The following EXOC6 variants were observed in gnomAD, a reference collection of about 807,000 sequenced individuals.
The protein encoded by EXOC6 is exocyst complex component 6.
EXOC6 carries 60 observed loss-of-function variants against 112.5 expected under a neutral mutation model. The observed-to-expected ratio is 0.53, with a 90% CI of 0.43 to 0.66. The LOEUF is 0.66. Ranked by LOEUF, EXOC6 falls within the 30% of genes least tolerant of loss-of-function variation. The probability of loss-of-function intolerance (pLI) is 0.00; values close to 1 mark genes in which losing one functional copy is unlikely to be tolerated. For missense variants in EXOC6, 855 were observed against 957.1 expected (o/e 0.89, Z 1.41); for synonymous variants, 295 against 308.0 (o/e 0.96, Z 0.44).
chr10:93,052,556 G>A (rs1006538974), intron 20 of EXOC6, among the ~76,000 whole-genome samples: 13 of 151,890 alleles, frequency 8.6e-5, no homozygotes, highest in African/African-American at 3.1e-4. Context: ...AGTTATGAAG[G>A]GTATTTTTGA....
intron 20 of EXOC6, among the ~76,000 whole-genome samples, chr10:93,055,641 T>C (rs1443353983): frequency 6.6e-6 from 1 of 152,054 alleles, no homozygotes; most frequent in African/African-American, 2.4e-5. Flanking sequence ...TAAGTTCCCT[T>C]TTCTTTTTCA....
At chr10:92,928,600 C>A (rs1851850917) in intron 9 of EXOC6, among the ~76,000 whole-genome samples, 178 bp downstream of exon 9, 2 of 151,446 alleles carry the variant, frequency 1.3e-5, no homozygotes, top group African/African-American at 4.9e-5. Context: ...TAGATAAGTC[C>A]CTTTTCTCAT....
At chr10:93,013,417 G>A (rs1590040603) in intron 19 of EXOC6, among the ~76,000 whole-genome samples, 1 of 151,916 alleles carries the variant, frequency 6.6e-6, no homozygotes, top group Non-Finnish European at 1.5e-5. Context: ...ACCAGCCTGG[G>A]CAACATGGTG....
intron 5 of EXOC6, among the ~76,000 whole-genome samples, chr10:92,902,541 C>T (rs1246259879): frequency 6.6e-6 from 1 of 151,496 alleles, no homozygotes; most frequent in Non-Finnish European, 1.5e-5. Flanking sequence ...TTTCAGGTAG[C>T]CTCTTGTGTT....
intron 19 of EXOC6, among the ~76,000 whole-genome samples, chr10:93,004,104 T>C (rs948154847): frequency 2.0e-5 from 3 of 152,102 alleles, no homozygotes; most frequent in African/African-American, 7.2e-5. Context: ...AACTTTTCCA[T>C]GTGAAATACA....
At chr10:92,925,547 G>A (rs944837738) in intron 8 of EXOC6, among the ~76,000 whole-genome samples, 1 of 151,938 alleles carries the variant, frequency 6.6e-6, no homozygotes, top group Non-Finnish European at 1.5e-5. Flanking sequence ...CGTCCTCCTC[G>A]GCCTCCCAAA....
At chr10:92,975,526 G>T (rs1842510381) in intron 18 of EXOC6, among the ~76,000 whole-genome samples, 1 of 149,188 alleles carries the variant, frequency 6.7e-6, no homozygotes, top group African/African-American at 2.5e-5. Flanking sequence ...GAGGGAGGTG[G>T]GGGGGTCAGC....
intron 5 of EXOC6, chr10:92,901,641 G>C (rs1411476651): frequency 5.0e-5 from 7 of 140,622 alleles, no homozygotes; most frequent in African/African-American, 1.6e-4. Context: ...TTTTGCCTCA[G>C]ATCTGGAAGC....
At chr10:92,931,378 C>G (rs938807760) in intron 9 of EXOC6, among the ~76,000 whole-genome samples, 1 of 151,300 alleles carries the variant, frequency 6.6e-6, no homozygotes, top group Non-Finnish European at 1.5e-5. Flanking sequence ...ATAAGAACAA[C>G]TGTCAGGCTA....
At chr10:93,010,809 CCAT>C (rs1157271573) in intron 19 of EXOC6, among the ~76,000 whole-genome samples, 1 of 151,834 alleles carries the variant, frequency 6.6e-6, no homozygotes, top group Non-Finnish European at 1.5e-5. Flanking sequence ...ATTTTATGAT[CCAT>C]CATCTGCATG....
chr10:93,044,972 A>G (rs192360082), intron 20 of EXOC6, among the ~76,000 whole-genome samples: 2,193 of 152,222 alleles, frequency 0.014, 56 homozygotes, highest in African/African-American at 0.05. Context: ...TCCTGGGTTC[A>G]AGCAATTCTC....
chr10:93,039,180 A>AT (rs1394370167), intron 20 of EXOC6, among the ~76,000 whole-genome samples: 2 of 151,918 alleles, frequency 1.3e-5, no homozygotes, highest in Non-Finnish European at 2.9e-5. Flanking sequence ...TGCTGAAGGT[A>AT]TTTTTTTTAT....
chr10:93,044,992 C>T (rs979040481), intron 20 of EXOC6, among the ~76,000 whole-genome samples: 14 of 152,074 alleles, frequency 9.2e-5, no homozygotes, highest in Non-Finnish European at 1.8e-4. Flanking sequence ...CCTGCCTCAG[C>T]CTCCTGAGTA....
chr10:92,939,821 A>G (rs1852555227), intron 12 of EXOC6, among the ~76,000 whole-genome samples: 1 of 152,124 alleles, frequency 6.6e-6, no homozygotes, highest in Non-Finnish European at 1.5e-5. Flanking sequence ...ATTTCAAGAA[A>G]GAGATGTCAG....
intron 19 of EXOC6, among the ~76,000 whole-genome samples, chr10:93,009,997 A>G (rs191681172): frequency 1.3e-5 from 2 of 152,338 alleles, no homozygotes; most frequent in East Asian, 3.9e-4. Flanking sequence ...TGTTTCAGTA[A>G]TCCAAGCAAG....
upstream of EXOC6, among the ~76,000 whole-genome samples, chr10:92,832,475 A>C (rs1846519130): frequency 6.6e-6 from 1 of 151,964 alleles, no homozygotes; most frequent in African/African-American, 2.4e-5. Flanking sequence ...ATGGTGTTTC[A>C]CCATGTTGGC....
chr10:92,999,342 C>T lies in EXOC6; in HGVS notation c.2095+1727C>T, dbSNP rs1182806801. ...CATCCCAAAATGCTGGAATTAGAGG[C>T]GTGAGCTACTGTGCCTGGCCATTTT... is the stretch of plus-strand genomic sequence containing the variant. On this transcript the variant is annotated intron_variant, in intron 19 of 21. Coordinates refer to ENST00000260762, the MANE Select transcript of EXOC6 (RefSeq NM_019053.6). The T allele has an allele frequency of 2.1e-5, 8 of 384,088 alleles. No homozygotes were observed. The East Asian group carries it at 3.6e-4, about 17-fold the overall frequency. 23.8% of individuals were successfully genotyped at this position (384,088 alleles called of 1,614,324 possible).
At chr10:92,943,296 G>A (rs751730672) in intron 13 of EXOC6, among the ~76,000 whole-genome samples, 20 of 152,092 alleles carry the variant, frequency 1.3e-4, no homozygotes, top group Admixed American at 7.2e-4. Context: ...GGGATTACAG[G>A]CGTGAGCCAC....
chr10:92,912,461 T>C (rs778882465), intron 6 of EXOC6, among the ~76,000 whole-genome samples: 4 of 152,098 alleles, frequency 2.6e-5, no homozygotes, highest in African/African-American at 4.8e-5. Flanking sequence ...GCATTTATTA[T>C]TAAGTTTAGT....
Sources: allele counts gnomAD v4.1 joint callset (sites outside exome capture counted in the v4.1 genomes callset), GRCh38; gene constraint gnomAD v4.1.1; transcripts MANE v1.5; gene names NCBI Gene and HGNC (gene_info 2026-07-23, HGNC 2026-07-21).